The following CCSER1 variants were observed in gnomAD, a reference collection of about 807,000 sequenced individuals.
CCSER1 encodes the protein serine-rich coiled-coil domain-containing protein 1.
A neutral mutation model predicts 82.0 loss-of-function variants in CCSER1; 41 were observed. The observed-to-expected ratio is 0.50, with a 90% CI of 0.39 to 0.65. The LOEUF (loss-of-function observed/expected upper bound fraction) is 0.65. Ranked by LOEUF, CCSER1 falls within the 30% of genes least tolerant of loss-of-function variation. The pLI is 0.00. For missense variants in CCSER1, 1,119 were observed against 1,064.2 expected, an observed-to-expected ratio of 1.05 and a Z score of -0.72; for synonymous variants, 414 against 383.9, an observed-to-expected ratio of 1.08 and a Z score of -0.92.
intron 1 of CCSER1, among the ~76,000 whole-genome samples, chr4:90,146,001 A>G (rs1420729755): frequency 6.6e-6 from 1 of 152,074 alleles, no homozygotes; most frequent in Non-Finnish European, 1.5e-5. Context: ...TGGCATTTGC[A>G]GGAAGCTAAC....
chr4:90,572,041 C>A (rs1359523263), intron 5 of CCSER1, among the ~76,000 whole-genome samples: 1 of 152,092 alleles, frequency 6.6e-6, no homozygotes, highest in African/African-American at 2.4e-5. Context: ...TTACCTTTAG[C>A]AGTTTTTGTA....
intron 8 of CCSER1, among the ~76,000 whole-genome samples, chr4:90,867,685 C>T (rs552160087): frequency 2.6e-5 from 4 of 152,058 alleles, no homozygotes; most frequent in Non-Finnish European, 1.5e-5. Context: ...CCCTCTTCCC[C>T]CAATACCTCC....
At chr4:91,057,612 T>G (rs1743567499) in intron 9 of CCSER1, among the ~76,000 whole-genome samples, 1 of 152,182 alleles carries the variant, frequency 6.6e-6, no homozygotes, top group South Asian at 2.1e-4. Context: ...GGCTGCTCTT[T>G]CGTTAATGTT....
chr4:90,275,110 A>G lies in CCSER1; in HGVS notation c.-41-33134A>G, dbSNP rs78504241. Among the ~76,000 whole-genome samples the G allele has an allele frequency of 9.3e-3, 1,409 of 152,200 alleles. 13 individuals are homozygous for G. The highest frequency in any genetic ancestry group is 0.015 in the Non-Finnish European group (1,037 of 67,954). The stretch of plus-strand genomic sequence containing the variant: ...TTGCTATGGTGACAAAGAAGTTTTT[A>G]TTTTCCCTGGGTAGATAGAAATTCA... On this transcript the variant is annotated intron_variant, in intron 1 of 10. Transcript: ENST00000509176.
chr4:90,981,729 G>A (rs550217142), intron 9 of CCSER1, among the ~76,000 whole-genome samples: 2 of 151,846 alleles, frequency 1.3e-5, no homozygotes, highest in Non-Finnish European at 1.5e-5. Context: ...AACTACGTGA[G>A]CTCTGAAGGA....
intron 9 of CCSER1, among the ~76,000 whole-genome samples, chr4:91,079,540 A>G (rs559139443): frequency 1.0e-3 from 158 of 152,340 alleles, no homozygotes; most frequent in Admixed American, 1.2e-3. Context: ...AGCTAACATC[A>G]TAATGACAGG....
At chr4:90,408,629 CTG>C (rs1698376730) in intron 4 of CCSER1, among the ~76,000 whole-genome samples, 1 of 152,208 alleles carries the variant, frequency 6.6e-6, no homozygotes, top group Non-Finnish European at 1.5e-5. Context: ...AACAACCCAT[CTG>C]TACGTCACCA....
intron 10 of CCSER1, among the ~76,000 whole-genome samples, chr4:91,393,747 G>A (rs1751801215): frequency 6.6e-6 from 1 of 151,880 alleles, no homozygotes; most frequent in Admixed American, 6.6e-5. Flanking sequence ...TGATTTTGAA[G>A]GTGTATGGAA....
At chr4:90,136,576 G>A (rs780457880) in intron 1 of CCSER1, among the ~76,000 whole-genome samples, 13 of 152,162 alleles carry the variant, frequency 8.5e-5, no homozygotes, top group Non-Finnish European at 1.9e-4. Flanking sequence ...AGTAAATAAT[G>A]TATTACAAAC....
Position 90,724,008 on chromosome 4 carries a change from A to G in CCSER1, c.2010+17A>G. ...CCTTTCAAGGTAAAAAACAAACAAG[A>G]AAGCATTATTTATAAAAATATTAGG... On this transcript the variant is annotated intron_variant, in intron 7 of 10. Coordinates refer to ENST00000509176, the MANE Select transcript of CCSER1 (RefSeq NM_001145065.2). The G allele has an allele frequency of 6.9e-7, 1 of 1,456,894 alleles. No individual in the cohort carries two copies. Among genetic ancestry groups the G allele is most frequent in the Non-Finnish European group, 9.4e-7 (1 of 1,061,836 alleles). The allele number at this position is 1,456,894 out of a possible 1,614,324, so 90.2% of individuals were successfully genotyped here.
chr4:91,190,815 G>A (rs1294864576), intron 10 of CCSER1, among the ~76,000 whole-genome samples: 1 of 152,122 alleles, frequency 6.6e-6, no homozygotes, highest in Admixed American at 6.5e-5. Context: ...TCCTCTAAAT[G>A]TCTGTTAATT....
chr4:90,586,415 G>T (rs1193458000), intron 5 of CCSER1, among the ~76,000 whole-genome samples: 1 of 152,142 alleles, frequency 6.6e-6, no homozygotes, highest in Non-Finnish European at 1.5e-5. Flanking sequence ...CTGTCAAAGA[G>T]TTGAAAACAT....
chr4:91,206,250 A>T (rs1736334344), intron 10 of CCSER1, among the ~76,000 whole-genome samples: 1 of 151,908 alleles, frequency 6.6e-6, no homozygotes, highest in East Asian at 1.9e-4. Context: ...AGAGAAGAAA[A>T]GACTCACAAG....
At chr4:90,162,165 A>T (rs956672100) in intron 1 of CCSER1, among the ~76,000 whole-genome samples, 1 of 152,096 alleles carries the variant, frequency 6.6e-6, no homozygotes, top group Non-Finnish European at 1.5e-5. Flanking sequence ...TTGCCTCAGG[A>T]AGCTCATTTT....
At chr4:90,400,409 T>C (rs1752649372) in intron 4 of CCSER1, among the ~76,000 whole-genome samples, 1 of 152,180 alleles carries the variant, frequency 6.6e-6, no homozygotes, top group South Asian at 2.1e-4. Context: ...AGTTAAATAA[T>C]TAACAAAAAG....
chr4:90,790,034 C>T (rs970638227), intron 7 of CCSER1, among the ~76,000 whole-genome samples: 5 of 152,178 alleles, frequency 3.3e-5, no homozygotes, highest in African/African-American at 1.2e-4. Flanking sequence ...TCTTGACTCT[C>T]CCTTCTCATT....
chr4:90,289,274 A>G (rs1178597292), intron 1 of CCSER1, among the ~76,000 whole-genome samples: 2 of 151,988 alleles, frequency 1.3e-5, no homozygotes, highest in Non-Finnish European at 2.9e-5. Context: ...CACTTAGAGC[A>G]TATAACAGTC....
intron 9 of CCSER1, among the ~76,000 whole-genome samples, chr4:91,022,600 GGTTGAACTA>G (rs1366208742): frequency 6.6e-6 from 1 of 152,136 alleles, no homozygotes; most frequent in Non-Finnish European, 1.5e-5. Context: ...CTTCCACAAT[GGTTGAACTA>G]GTTTACAGTC....
chr4:90,731,479 G>A lies in CCSER1; in HGVS notation c.2010+7488G>A, dbSNP rs118162955. Among the ~76,000 whole-genome samples, 237 of 152,256 alleles carry A rather than the reference G, an allele frequency of 1.6e-3. 1 individual carries two copies. In the East Asian group the frequency reaches 0.019, roughly 12 times the overall value. On this transcript the variant is annotated intron_variant, in intron 7 of 10. Transcript: ENST00000509176. ...ACATAGGTAAAACTAAACATAATTT[G>A]TGGTGGATGCTGATAAATCAATAAT...
Sources: gnomAD v4.1 joint callset for allele counts (sites outside exome capture counted in the v4.1 genomes callset) on GRCh38, gnomAD v4.1.1 for gene constraint, MANE v1.5 for transcripts, NCBI Gene and HGNC (gene_info 2026-07-23, HGNC 2026-07-21) for gene names.